PRKCE: variants seen among roughly 807,000 people sequenced by gnomAD.
The protein encoded by PRKCE is protein kinase C epsilon.
In PRKCE, 16 loss-of-function variants were observed where a neutral mutation model predicts 85.4. The observed-to-expected ratio is 0.19, with a 90% CI of 0.13 to 0.28. The LOEUF (loss-of-function observed/expected upper bound fraction) is 0.28, where lower values mean the gene tolerates loss of function less well. Ranked by LOEUF, PRKCE falls within the 10% of genes least tolerant of loss-of-function variation. The probability of loss-of-function intolerance (pLI) is 1.00; values close to 1 mark genes in which losing one functional copy is unlikely to be tolerated. For missense variants in PRKCE, 573 were observed against 975.2 expected (o/e 0.59, Z 5.49); for synonymous variants, 388 against 371.5 (o/e 1.04, Z -0.51).
intron 1 of PRKCE, among the ~76,000 whole-genome samples, chr2:45,669,250 T>TAAG (rs547552842): frequency 1.3e-5 from 2 of 152,190 alleles, no homozygotes; most frequent in Admixed American, 1.3e-4. Flanking sequence ...GGAAGACAGA[T>TAAG]AAGACAGTGA....
chr2:46,103,985 A>G (rs1053129411), intron 11 of PRKCE, among the ~76,000 whole-genome samples: 5 of 152,122 alleles, frequency 3.3e-5, no homozygotes. Context: ...TTGCCTTTTC[A>G]TTTCTCTAAA....
chr2:45,899,240 T>C (rs1427965067), intron 2 of PRKCE, among the ~76,000 whole-genome samples: 1 of 152,196 alleles, frequency 6.6e-6, no homozygotes, highest in Non-Finnish European at 1.5e-5. Flanking sequence ...CTGAAAACTT[T>C]GTCTTTGGAA....
chr2:45,882,551 C>T (rs376302010), intron 2 of PRKCE, among the ~76,000 whole-genome samples: 17 of 152,368 alleles, frequency 1.1e-4, no homozygotes, highest in African/African-American at 3.6e-4. Flanking sequence ...TTTGGAAAAT[C>T]ATCACTGCAG....
chr2:46,159,964 G>A lies in PRKCE; in HGVS notation c.2067+212G>A, dbSNP rs1025139789. The A allele has an allele frequency of 1.9e-6, 1 of 524,348 alleles. No homozygotes were observed. The highest frequency in any genetic ancestry group is 3.2e-6 in the Non-Finnish European group (1 of 308,440). 32.5% of individuals were successfully genotyped at this position (524,348 alleles called of 1,614,324 possible). On this transcript the variant is annotated intron_variant, in intron 14 of 14. Transcript: ENST00000306156. This position sits in a 1 kb window ranked among gnomAD's most constrained non-coding sequence, Gnocchi z 4.1. The stretch of plus-strand genomic sequence containing the variant: ...TGTAACCTACTACAGCAGCACCCAA[G>A]ATGATGATTTACGTGGGCCACAGAA...
chr2:46,143,251 C>T (rs1675738108), intron 11 of PRKCE, among the ~76,000 whole-genome samples: 1 of 152,106 alleles, frequency 6.6e-6, no homozygotes, highest in Non-Finnish European at 1.5e-5. Context: ...AAAGAAGCAT[C>T]ATTGTTGTTC....
At chr2:45,967,004 TAAAAG>T (rs544902116) in intron 2 of PRKCE, among the ~76,000 whole-genome samples, 16 of 152,162 alleles carry the variant, frequency 1.1e-4, no homozygotes, top group Non-Finnish European at 2.1e-4. Flanking sequence ...TTTGGAAAGA[TAAAAG>T]AGAAAGAACC....
At chr2:45,904,721 C>T (rs528769884) in intron 2 of PRKCE, among the ~76,000 whole-genome samples, 2 of 152,334 alleles carry the variant, frequency 1.3e-5, no homozygotes, top group South Asian at 2.1e-4. Context: ...CCGTCTCCCC[C>T]GGTTGCCTGG....
intron 2 of PRKCE, among the ~76,000 whole-genome samples, chr2:45,857,114 G>A (rs1460269580): frequency 6.6e-6 from 1 of 152,152 alleles, no homozygotes; most frequent in Non-Finnish European, 1.5e-5. Flanking sequence ...TTAATTTTGT[G>A]AAGAGCTTTT....
At chr2:45,989,626 CTCCT>C (rs1024741215) in intron 6 of PRKCE, among the ~76,000 whole-genome samples, 1 of 148,368 alleles carries the variant, frequency 6.7e-6, no homozygotes, top group Non-Finnish European at 1.5e-5. Context: ...GCCTGTCTCC[CTCCT>C]TCCTTCCTTT....
At chr2:46,178,723 C>T (rs1033451161) in intron 14 of PRKCE, among the ~76,000 whole-genome samples, 2 of 152,102 alleles carry the variant, frequency 1.3e-5, no homozygotes, top group Non-Finnish European at 2.9e-5. Flanking sequence ...AAAGCTAGGA[C>T]GGACTTGGGA....
At chr2:45,966,025 T>G (rs1701705509) in intron 2 of PRKCE, among the ~76,000 whole-genome samples, 1 of 152,124 alleles carries the variant, frequency 6.6e-6, no homozygotes, top group Non-Finnish European at 1.5e-5. Context: ...GACAGGAAAC[T>G]TCTACACACA....
intron 6 of PRKCE, among the ~76,000 whole-genome samples, chr2:45,988,675 C>G (rs1703543948): frequency 6.6e-6 from 1 of 152,178 alleles, no homozygotes; most frequent in South Asian, 2.1e-4. Flanking sequence ...CATTTTGTGA[C>G]TCAAGTGCCT....
At chr2:46,106,000 A>G (rs886637819) in intron 11 of PRKCE, among the ~76,000 whole-genome samples, 3 of 152,218 alleles carry the variant, frequency 2.0e-5, no homozygotes, top group African/African-American at 7.2e-5. Context: ...AAAATAGACT[A>G]CTATCTACAT....
At chr2:45,927,605 A>G (rs1217353066) in intron 2 of PRKCE, among the ~76,000 whole-genome samples, 1 of 152,216 alleles carries the variant, frequency 6.6e-6, no homozygotes, top group East Asian at 1.9e-4. Context: ...CTGGCATATT[A>G]TTTGATTCTG....
At chr2:46,150,766 C>G (rs1280061712) in intron 12 of PRKCE, among the ~76,000 whole-genome samples, 2 of 152,192 alleles carry the variant, frequency 1.3e-5, no homozygotes, top group Non-Finnish European at 2.9e-5. Flanking sequence ...TCATGCCAGT[C>G]AGGAACTTTA....
chr2:46,007,765 G>C lies in PRKCE; in HGVS notation c.1263+104G>C, dbSNP rs143987431. The C allele has an allele frequency of 1.5e-4, 194 of 1,290,160 alleles. No homozygotes were observed. The East Asian group carries it at 4.6e-3, about 31-fold the overall frequency. 79.9% of individuals were successfully genotyped at this position (1,290,160 alleles called of 1,614,324 possible). A position where few individuals can be genotyped will look rare whatever the true frequency, so the allele number is the denominator to read the frequency against. On this transcript the variant is annotated intron_variant, in intron 9 of 14. Coordinates refer to ENST00000306156, the MANE Select transcript of PRKCE (RefSeq NM_005400.3). ...GAGAGGAACCTTTCAGCCTGATCTC[G>C]TTAGGTTTTCTTTCCTTTTTTGTAA...
intron 2 of PRKCE, among the ~76,000 whole-genome samples, chr2:45,973,822 C>A (rs1041910266): frequency 2.0e-5 from 3 of 152,244 alleles, no homozygotes; most frequent in African/African-American, 7.2e-5. Flanking sequence ...TAACCACCGT[C>A]ATAACAGTGT....
intron 2 of PRKCE, among the ~76,000 whole-genome samples, chr2:45,923,884 T>C (rs1238393262): frequency 6.6e-6 from 1 of 152,094 alleles, no homozygotes; most frequent in African/African-American, 2.4e-5. Context: ...TGCCTTGTAA[T>C]AGGAATGTGG....
intron 1 of PRKCE, among the ~76,000 whole-genome samples, chr2:45,684,814 A>G (rs753345384): frequency 2.0e-5 from 3 of 152,218 alleles, no homozygotes; most frequent in Non-Finnish European, 4.4e-5. Context: ...GAGGGAATGC[A>G]TGGGACTTGT....
Sources: gnomAD v4.1 joint callset for allele counts (sites outside exome capture counted in the v4.1 genomes callset) on GRCh38, gnomAD v4.1.1 for gene constraint, Gnocchi (gnomAD v3.1) non-coding constraint, MANE v1.5 for transcripts, NCBI Gene and HGNC (gene_info 2026-07-23, HGNC 2026-07-21) for gene names.